DSCAML1: variants seen among roughly 807,000 people sequenced by gnomAD.
The protein encoded by DSCAML1 is cell adhesion molecule DSCAML1.
A neutral mutation model predicts 200.5 loss-of-function variants in DSCAML1; 38 were observed. The observed-to-expected ratio is 0.19, with a 90% CI of 0.15 to 0.25. The LOEUF (loss-of-function observed/expected upper bound fraction) is 0.25, where lower values mean the gene tolerates loss of function less well. DSCAML1 is among the 10% of genes least tolerant of loss of function. The pLI, the probability that DSCAML1 is intolerant of heterozygous loss-of-function variation, is 1.00. For synonymous variants in DSCAML1, 1,215 were observed against 1,165.0 expected, an observed-to-expected ratio of 1.04 and a Z score of -0.87; for missense variants, 2,223 against 2,858.8, an observed-to-expected ratio of 0.78 and a Z score of 5.07.
chr11:117,715,269 C>T (rs894952072), intron 3 of DSCAML1, among the ~76,000 whole-genome samples: 4 of 152,140 alleles, frequency 2.6e-5, no homozygotes, highest in Admixed American at 6.5e-5. Context: ...AACACTACGC[C>T]TATCTAAAGA....
At chr11:117,438,809 G>T in intron 24 of DSCAML1, 76 bp downstream of exon 24, 2 of 1,270,216 alleles carry the variant, frequency 1.6e-6, no homozygotes, top group Non-Finnish European at 2.1e-6. Context: ...AATGGCAGAA[G>T]TGGGTGAAGC....
At chr11:117,625,074 AGGTCTGGGAATCACT>A (rs1350180794) in intron 3 of DSCAML1, among the ~76,000 whole-genome samples, 3 of 151,996 alleles carry the variant, frequency 2.0e-5, no homozygotes, top group Non-Finnish European at 2.9e-5. Context: ...ACGTGTGGTC[AGGTCTGGGAATCACT>A]GGTCTGGGAC....
chr11:117,636,802 G>A (rs569029772), intron 3 of DSCAML1, among the ~76,000 whole-genome samples: 5 of 152,262 alleles, frequency 3.3e-5, no homozygotes, highest in African/African-American at 1.2e-4. Context: ...TACTTTGTAG[G>A]GTCGTTGTAA....
At chr11:117,548,879 G>A (rs2050424692) in intron 3 of DSCAML1, among the ~76,000 whole-genome samples, 1 of 152,194 alleles carries the variant, frequency 6.6e-6, no homozygotes, top group Non-Finnish European at 1.5e-5. Flanking sequence ...GGGCTGCCGT[G>A]GAACTGTGCC....
intron 1 of DSCAML1, among the ~76,000 whole-genome samples, chr11:117,793,745 T>C (rs1329413902): frequency 1.3e-5 from 2 of 152,214 alleles, no homozygotes; most frequent in African/African-American, 2.4e-5. Context: ...CGGGATCTGT[T>C]CAACTTAAGC....
intron 20 of DSCAML1, among the ~76,000 whole-genome samples, chr11:117,449,532 C>A (rs2048245273): frequency 6.6e-6 from 1 of 152,148 alleles, no homozygotes; most frequent in African/African-American, 2.4e-5. Flanking sequence ...TTCAGGGCAG[C>A]TTTCCTGGTG....
At position 117,816,807 on chromosome 11, in the gene DSCAML1, G is replaced by GGGGGT. The variant is rs1555038476; in HGVS notation, c.-250+582_-250+583insACCCC. 1.9e-3 allele frequency among the ~76,000 whole-genome samples: 222 copies of GGGGGT among 114,948 alleles called. 3 individuals carry two copies. The South Asian group carries it at 0.023, about 12-fold the overall frequency. 75.4% of individuals were successfully genotyped at this position (114,948 alleles called of 152,430 possible). ...GAGAGTTCGGAATTGCTGGGGGGGT[G>GGGGGT]GGGTGGAGATTTCTCCTGATGCCCC... is the stretch of plus-strand genomic sequence containing the variant. On this transcript the variant is annotated intron_variant, in intron 1 of 2. Transcript: ENST00000525836.
chr11:117,759,052 C>T (rs137920933), intron 3 of DSCAML1, among the ~76,000 whole-genome samples: 1 of 152,262 alleles, frequency 6.6e-6, no homozygotes, highest in East Asian at 1.9e-4. Context: ...TAAACTCTGG[C>T]GATACTTCTA....
intron 5 of DSCAML1, among the ~76,000 whole-genome samples, chr11:117,522,032 A>G (rs955122949): frequency 6.6e-6 from 1 of 152,226 alleles, no homozygotes; most frequent in Non-Finnish European, 1.5e-5. Flanking sequence ...CAAGGCCCTA[A>G]GGGCCTGACT....
chr11:117,740,902 T>C (rs576633327), intron 3 of DSCAML1, among the ~76,000 whole-genome samples: 1 of 152,202 alleles, frequency 6.6e-6, no homozygotes, highest in South Asian at 2.1e-4. Flanking sequence ...AGTGTGCACC[T>C]GAAACAAGTG....
chr11:117,605,644 G>A (rs1287046097), intron 3 of DSCAML1, among the ~76,000 whole-genome samples: 2 of 152,194 alleles, frequency 1.3e-5, no homozygotes, highest in Non-Finnish European at 2.9e-5. Flanking sequence ...CGGGATGGGT[G>A]GATGAACCAG....
At chr11:117,509,653 TG>T (rs1218804298) in intron 8 of DSCAML1, among the ~76,000 whole-genome samples, 4 of 152,064 alleles carry the variant, frequency 2.6e-5, no homozygotes, top group Non-Finnish European at 5.9e-5. Context: ...GTGCTGTGAG[TG>T]GGGTCTCCAA....
At chr11:117,765,846 G>A (rs2054887893) in intron 3 of DSCAML1, among the ~76,000 whole-genome samples, 1 of 152,176 alleles carries the variant, frequency 6.6e-6, no homozygotes, top group African/African-American at 2.4e-5. Context: ...AGTTCCCTCT[G>A]AGGCCAGAGC....
rs1365458643 is a variant in DSCAML1 at position 117,431,607 on chromosome 11, G to A, written c.5301C>T (p.Arg1767=). The A allele has an allele frequency of 6.2e-7, 1 of 1,613,110 alleles. No individual in the cohort carries two copies. Among genetic ancestry groups the A allele is most frequent in the South Asian group, 1.1e-5 (1 of 90,886 alleles). ...TGACACCATGCTGGGAGCCCACGGTGCGCCAGTCGGAGGTGAGGGTGCGGG... is the reference window on the plus strand; with the variant it reads ...TGACACCATGCTGGGAGCCCACGGTACGCCAGTCGGAGGTGAGGGTGCGGG... The part of the protein sequence containing the change: ...TPARTLTSDW[R]TVGSQHGVTV... The change falls in exon 31 of 33, where the codon CGC becomes CGT. Residue 1767 remains arginine (R), a synonymous_variant. Transcript: ENST00000651296.
rs2049153073 is a variant in DSCAML1 at position 117,489,961 on chromosome 11, CT to C, written c.2360-7800del. ...TCCTCCTCCAGTGCCCCAGGGCAGC[CT>C]GCCCCAGTCCACACTTAGGCTCACT... is the stretch of plus-strand genomic sequence containing the variant. On this transcript the variant is annotated intron_variant, in intron 11 of 32. Transcript: ENST00000651296. This position sits in a 1 kb window ranked among gnomAD's most constrained non-coding sequence, Gnocchi z 4.8. 6.6e-6 allele frequency among the ~76,000 whole-genome samples: 1 copy of C among 152,216 alleles called. No individual in the cohort carries two copies. Among genetic ancestry groups the C allele is most frequent in the Non-Finnish European group, 1.5e-5 (1 of 68,030 alleles).
In DSCAML1 at chr11:117,768,543, C is replaced by T. The variant is rs191790770; in HGVS notation, c.511+8248G>A. On this transcript the variant is annotated intron_variant, in intron 3 of 32. Transcript: ENST00000651296. ...ATGCCAGATGATGGAGAAGACAGGG[C>T]GAGGGAGGTGAGGTCTAAGGTTGGA... 6.8e-3 allele frequency among the ~76,000 whole-genome samples: 1,035 copies of T among 152,148 alleles called. 8 individuals carry two copies. The highest frequency in any genetic ancestry group is 0.019 in the African/African-American group (808 of 41,494).
chr11:117,687,087 T>TG (rs1321923160), intron 3 of DSCAML1, among the ~76,000 whole-genome samples: 1 of 151,794 alleles, frequency 6.6e-6, no homozygotes, highest in East Asian at 1.9e-4. Context: ...AGAATGTGGA[T>TG]GGGGGCAGGC....
rs149175291 is a variant in DSCAML1 at position 117,428,708 on chromosome 11, C to T, written c.5782G>A (p.Ala1928Thr). The change falls in exon 33 of 33, where the codon GCC (alanine) becomes ACC (threonine). Residue 1928 changes from alanine (A) to threonine (T), a missense_variant. By Grantham distance (58) the Ala-to-Thr change is moderately conservative. This residue lies in a region of DSCAML1 where 280 missense variants were observed against 213.4 expected (regional missense o/e 1.31). Transcript: ENST00000651296. ...GTTCGAGCCAGGTTCCGGATGGAGG[C>T]CTCACGGGGTGGGACCACGGGGCAG... The part of the protein sequence containing the change: ...EPCPVVPPRE[A>T]SIRNLARTYH... The T allele has an allele frequency of 9.9e-4, 1,596 of 1,613,182 alleles. 3 individuals carry two copies. The highest frequency in any genetic ancestry group is 1.5e-3 in the Admixed American group (88 of 59,944).
At chr11:117,513,114 C>T (rs995708364) in intron 8 of DSCAML1, among the ~76,000 whole-genome samples, 2 of 152,136 alleles carry the variant, frequency 1.3e-5, no homozygotes, top group Non-Finnish European at 2.9e-5. Context: ...GATGTTTACA[C>T]TTAAACTCTC....
Sources: gnomAD v4.1 joint callset for allele counts (sites outside exome capture counted in the v4.1 genomes callset) on GRCh38, gnomAD v4.1.1 for gene constraint, gnomAD v4.1.1 regional missense constraint, Gnocchi (gnomAD v3.1) non-coding constraint, MANE v1.5 for transcripts, NCBI Gene and HGNC (gene_info 2026-07-23, HGNC 2026-07-21) for gene names.